Variants in PARD3 observed in about 807,000 individuals in gnomAD.
PARD3 encodes the protein partitioning defective 3 homolog.
PARD3 carries 75 observed loss-of-function variants against 155.4 expected under a neutral mutation model. The observed-to-expected ratio is 0.48, with a 90% CI of 0.40 to 0.58. The LOEUF is 0.58. PARD3 is among the 20% of genes least tolerant of loss of function. The pLI, the probability that PARD3 is intolerant of heterozygous loss-of-function variation, is 0.00. For missense variants in PARD3, 1,642 were observed against 1,721.7 expected (o/e 0.95, Z 0.82); for synonymous variants, 576 against 610.5 (o/e 0.94, Z 0.83).
chr10:34,750,448 C>T (rs1340599441), intron 1 of PARD3, among the ~76,000 whole-genome samples: 1 of 142,870 alleles, frequency 7.0e-6, no homozygotes, highest in African/African-American at 2.6e-5. Flanking sequence ...GTTACATCCT[C>T]TTTCTCTCTT....
At chr10:34,188,981 G>A (rs956370653) in intron 22 of PARD3, among the ~76,000 whole-genome samples, 1 of 151,990 alleles carries the variant, frequency 6.6e-6, no homozygotes, top group Non-Finnish European at 1.5e-5. Context: ...GACTCCTAGG[G>A]GTCTACAAGA....
intron 1 of PARD3, among the ~76,000 whole-genome samples, chr10:34,720,240 C>G (rs1269730874): frequency 6.6e-6 from 1 of 152,170 alleles, no homozygotes; most frequent in Non-Finnish European, 1.5e-5. Context: ...TCAAGACTAG[C>G]CTGGCCAACA....
chr10:34,199,895 C>A (rs1951128851), intron 22 of PARD3, among the ~76,000 whole-genome samples: 1 of 151,796 alleles, frequency 6.6e-6, no homozygotes, highest in South Asian at 2.1e-4. Context: ...TGCCCGACCC[C>A]AAAAAAACAG....
intron 4 of PARD3, among the ~76,000 whole-genome samples, chr10:34,468,614 T>C (rs926537578): frequency 9.2e-5 from 14 of 152,206 alleles, no homozygotes; most frequent in African/African-American, 3.1e-4. Context: ...GATCTTCCAA[T>C]ATGGCTCCTC....
At chr10:34,716,593 T>C (rs1199941188) in intron 1 of PARD3, among the ~76,000 whole-genome samples, 5 of 140,474 alleles carry the variant, frequency 3.6e-5, no homozygotes, top group East Asian at 2.0e-4. Context: ...TTCTTTTTTT[T>C]TTTTTTTTTT....
At chr10:34,138,775 T>C (rs901821446) in intron 22 of PARD3, among the ~76,000 whole-genome samples, 3 of 152,184 alleles carry the variant, frequency 2.0e-5, no homozygotes, top group African/African-American at 4.8e-5. Flanking sequence ...TTCTCAGCCC[T>C]AGCAATTTAC....
intron 3 of PARD3, among the ~76,000 whole-genome samples, chr10:34,513,812 G>T (rs184823395): frequency 6.6e-6 from 1 of 152,168 alleles, no homozygotes; most frequent in African/African-American, 2.4e-5. Flanking sequence ...GTTCTCTGAT[G>T]TCGGATTGTC....
intron 22 of PARD3, among the ~76,000 whole-genome samples, chr10:34,261,844 AC>A (rs988220573): frequency 2.1e-5 from 3 of 145,880 alleles, no homozygotes; most frequent in Non-Finnish European, 4.5e-5. Flanking sequence ...AAACAAACAA[AC>A]ACACACACAC....
intron 2 of PARD3, among the ~76,000 whole-genome samples, chr10:34,557,248 T>A (rs2085078797): frequency 6.6e-6 from 1 of 152,180 alleles, no homozygotes; most frequent in Non-Finnish European, 1.5e-5. Flanking sequence ...ACCAAGCGAC[T>A]TGACAAGAGG....
chr10:34,793,391 T>A (rs1411217031), intron 1 of PARD3, among the ~76,000 whole-genome samples: 1 of 151,938 alleles, frequency 6.6e-6, no homozygotes, highest in Non-Finnish European at 1.5e-5. Context: ...CAGGCTGGGG[T>A]CAGTTTTCAG....
At chr10:34,749,471 T>C (rs1435406680) in intron 1 of PARD3, among the ~76,000 whole-genome samples, 1 of 151,242 alleles carries the variant, frequency 6.6e-6, no homozygotes, top group African/African-American at 2.4e-5. Context: ...ATAAAAAATA[T>C]ATAATAAAAT....
At position 34,325,251 on chromosome 10, in the gene PARD3, C is replaced by A. The variant is rs143046192; in HGVS notation, c.2833+5866G>T. ...TCTCGAACTCCTGATCTCAAGTGAT[C>A]CACCTGCCTCAGCCACCCAAAGTGC... On this transcript the variant is annotated intron_variant, in intron 19 of 24. Coordinates refer to ENST00000374788, the MANE Select transcript of PARD3 (RefSeq NM_001184785.2). 2.5e-3 allele frequency among the ~76,000 whole-genome samples: 384 copies of A among 152,204 alleles called. 2 individuals are homozygous for A. Among genetic ancestry groups the A allele is most frequent in the African/African-American group, 8.9e-3 (368 of 41,534 alleles).
At chr10:34,718,514 G>GCCAGGCATGGTGGT (rs1420830807) in intron 1 of PARD3, among the ~76,000 whole-genome samples, 1 of 151,964 alleles carries the variant, frequency 6.6e-6, no homozygotes. Context: ...AACATAATCA[G>GCCAGGCATGGTGGT]CCAGGCATGG....
intron 7 of PARD3, among the ~76,000 whole-genome samples, chr10:34,385,016 T>A (rs1056468325): frequency 2.0e-5 from 3 of 152,244 alleles, no homozygotes; most frequent in African/African-American, 7.2e-5. Context: ...ACTAACTTCA[T>A]AACTGACAGG....
At chr10:34,608,836 C>T (rs1472736702) in intron 2 of PARD3, among the ~76,000 whole-genome samples, 1 of 151,976 alleles carries the variant, frequency 6.6e-6, no homozygotes. Context: ...ACCCAGCCTA[C>T]AAATTTTTAA....
intron 22 of PARD3, among the ~76,000 whole-genome samples, chr10:34,194,180 T>G (rs1450066389): frequency 6.6e-6 from 1 of 152,224 alleles, no homozygotes; most frequent in Non-Finnish European, 1.5e-5. Flanking sequence ...AGAAAGCTGC[T>G]TCTCCAAAAT....
At chr10:34,372,468 T>G in intron 12 of PARD3, 30 bp downstream of exon 12, 1 of 1,562,426 alleles carries the variant, frequency 6.4e-7, no homozygotes, top group Non-Finnish European at 8.8e-7. Context: ...TTCCAACATC[T>G]CTGCATCCTT....
intron 4 of PARD3, among the ~76,000 whole-genome samples, chr10:34,460,285 T>C (rs1249302395): frequency 1.3e-5 from 2 of 152,172 alleles, no homozygotes; most frequent in Non-Finnish European, 2.9e-5. Flanking sequence ...GTAACGTCTA[T>C]TGAAACCTTA....
At chr10:34,288,120 A>G (rs920027420) in intron 20 of PARD3, among the ~76,000 whole-genome samples, 1 of 152,190 alleles carries the variant, frequency 6.6e-6, no homozygotes, top group Non-Finnish European at 1.5e-5. Context: ...CTGAGGTGTA[A>G]GGACTGCTTG....
Sources: gnomAD v4.1 joint callset for allele counts (sites outside exome capture counted in the v4.1 genomes callset) on GRCh38, gnomAD v4.1.1 for gene constraint, MANE v1.5 for transcripts, NCBI Gene and HGNC (gene_info 2026-07-23, HGNC 2026-07-21) for gene names.